CTNND2: variants seen among roughly 807,000 people sequenced by gnomAD.
CTNND2 encodes the protein catenin delta 2.
In CTNND2, 22 loss-of-function variants were observed where a neutral mutation model predicts 144.4. The ratio of observed to expected loss-of-function variants is 0.15; its 90% CI spans 0.11 to 0.22. CTNND2 has a LOEUF of 0.22. Among genes scored for constraint, CTNND2 ranks in the 10% least tolerant of loss-of-function variants. The pLI, the probability that CTNND2 is intolerant of heterozygous loss-of-function variation, is 1.00. For missense variants in CTNND2, 1,353 were observed against 1,618.8 expected (o/e 0.84, Z 2.82); for synonymous variants, 751 against 695.6 (o/e 1.08, Z -1.25).
chr5:11,560,934 C>T (rs1012284007), intron 3 of CTNND2, among the ~76,000 whole-genome samples: 1 of 152,224 alleles, frequency 6.6e-6, no homozygotes, highest in Non-Finnish European at 1.5e-5. Flanking sequence ...GGGCTGAATA[C>T]AGACAGAGGG....
chr5:10,976,336 C>G (rs1404482115), intron 21 of CTNND2, among the ~76,000 whole-genome samples: 1 of 152,276 alleles, frequency 6.6e-6, no homozygotes, highest in Middle Eastern at 3.4e-3. Context: ...ATGACCCCTC[C>G]CAAAGCCCTC....
intron 12 of CTNND2, among the ~76,000 whole-genome samples, chr5:11,126,826 C>A (rs1036423662): frequency 6.6e-6 from 1 of 152,214 alleles, no homozygotes; most frequent in Non-Finnish European, 1.5e-5. Context: ...TTCCTTCACA[C>A]TTACAGCAGC....
intron 1 of CTNND2, among the ~76,000 whole-genome samples, chr5:11,864,051 G>A (rs777523712): frequency 1.3e-5 from 2 of 151,908 alleles, no homozygotes; most frequent in Non-Finnish European, 2.9e-5. Context: ...GATCACGAAC[G>A]TCATGTTTCA....
intron 2 of CTNND2, among the ~76,000 whole-genome samples, chr5:11,709,686 C>T (rs10035537): frequency 4.0e-5 from 6 of 151,888 alleles, no homozygotes; most frequent in African/African-American, 1.5e-4. Context: ...ATTTAAGAAA[C>T]GGTAGACAAA....
intron 11 of CTNND2, among the ~76,000 whole-genome samples, chr5:11,181,510 T>C (rs760519793): frequency 1.1e-4 from 16 of 152,206 alleles, no homozygotes; most frequent in African/African-American, 7.2e-5. Context: ...AAAAGCACTG[T>C]GGAAGCTTCT....
chr5:11,843,812 AT>A (rs545835230), intron 1 of CTNND2, among the ~76,000 whole-genome samples: 12 of 151,998 alleles, frequency 7.9e-5, no homozygotes, highest in African/African-American at 2.2e-4. Context: ...AAAAAAACTC[AT>A]TTTTTTTCCA....
intron 9 of CTNND2, among the ~76,000 whole-genome samples, chr5:11,240,807 A>C: frequency 7.4e-6 from 1 of 134,988 alleles, no homozygotes; most frequent in Non-Finnish European, 1.6e-5. Flanking sequence ...CACACACCCA[A>C]CACACACATA....
At chr5:11,842,735 G>T (rs1461048123) in intron 1 of CTNND2, among the ~76,000 whole-genome samples, 5 of 141,114 alleles carry the variant, frequency 3.5e-5, no homozygotes, top group Non-Finnish European at 7.5e-5. Flanking sequence ...AAAAAAAAAA[G>T]TAAACTGTCT....
chr5:11,519,723 T>C (rs1036954819), intron 3 of CTNND2, among the ~76,000 whole-genome samples: 1 of 151,996 alleles, frequency 6.6e-6, no homozygotes, highest in African/African-American at 2.4e-5. Context: ...GTTTTCTAAG[T>C]GTCTGTTGGA....
At chr5:11,665,904 G>A (rs181658346) in intron 2 of CTNND2, among the ~76,000 whole-genome samples, 1 of 152,026 alleles carries the variant, frequency 6.6e-6, no homozygotes, top group African/African-American at 2.4e-5. Context: ...AAATATGTAG[G>A]GGAAAACAAA....
At chr5:11,551,432 C>CTTT (rs70949326) in intron 3 of CTNND2, among the ~76,000 whole-genome samples, 1,867 of 100,702 alleles carry the variant, frequency 0.019, 87 homozygotes, top group African/African-American at 0.061. Context: ...TTTCTTTTTT[C>CTTT]TTTTTTTTTT....
chr5:11,770,856 G>A (rs1410503469), intron 1 of CTNND2, among the ~76,000 whole-genome samples: 1 of 152,122 alleles, frequency 6.6e-6, no homozygotes, highest in Non-Finnish European at 1.5e-5. Context: ...CTGGGACTTG[G>A]GGTGAGAAGA....
intron 5 of CTNND2, among the ~76,000 whole-genome samples, chr5:11,411,123 C>T (rs1035417853): frequency 2.6e-5 from 4 of 152,058 alleles, no homozygotes; most frequent in Admixed American, 6.6e-5. Flanking sequence ...CTGCCCATCT[C>T]GGTCTCCCAA....
At chr5:11,038,269 G>A (rs1744297264) in intron 16 of CTNND2, among the ~76,000 whole-genome samples, 1 of 152,188 alleles carries the variant, frequency 6.6e-6, no homozygotes, top group Non-Finnish European at 1.5e-5. Flanking sequence ...AGCAGGAGGT[G>A]AGCAGCAGGT....
intron 3 of CTNND2, among the ~76,000 whole-genome samples, chr5:11,459,639 T>C (rs752011574): frequency 6.6e-6 from 1 of 152,190 alleles, no homozygotes; most frequent in African/African-American, 2.4e-5. Flanking sequence ...AAGGAAACTA[T>C]TTCTTCCCTA....
At chr5:11,672,995 C>T (rs1482402630) in intron 2 of CTNND2, among the ~76,000 whole-genome samples, 1 of 152,144 alleles carries the variant, frequency 6.6e-6, no homozygotes, top group Non-Finnish European at 1.5e-5. Context: ...GCAGAAATCA[C>T]CCACCTTTTG....
intron 3 of CTNND2, among the ~76,000 whole-genome samples, chr5:11,554,219 A>C (rs564095239): frequency 1.3e-5 from 2 of 152,336 alleles, no homozygotes; most frequent in South Asian, 2.1e-4. Context: ...AATTTGCATA[A>C]AAATAAATCT....
At chr5:11,741,820 T>C (rs930381842) in intron 1 of CTNND2, among the ~76,000 whole-genome samples, 1 of 148,162 alleles carries the variant, frequency 6.7e-6, no homozygotes, top group Non-Finnish European at 1.5e-5. Flanking sequence ...AGTATATATG[T>C]ATATATAGTA....
chr5:11,292,320 G>C (rs894444934), intron 9 of CTNND2, among the ~76,000 whole-genome samples: 4 of 152,122 alleles, frequency 2.6e-5, no homozygotes, highest in South Asian at 2.1e-4. Context: ...GGTCATACTG[G>C]AGTAGGGTGG....
Sources: allele counts gnomAD v4.1 joint callset (sites outside exome capture counted in the v4.1 genomes callset), GRCh38; gene constraint gnomAD v4.1.1; transcripts MANE v1.5; gene names NCBI Gene and HGNC (gene_info 2026-07-23, HGNC 2026-07-21).